The following UBN2 variants were observed in gnomAD, a reference collection of about 807,000 sequenced individuals.
The protein encoded by UBN2 is ubinuclein-2.
Under a neutral mutation model 120.2 loss-of-function variants are expected in UBN2, and 35 were observed. The observed-to-expected ratio is 0.29, with a 90% CI of 0.22 to 0.39. The LOEUF is 0.39. Among genes scored for constraint, UBN2 ranks in the 10% least tolerant of loss-of-function variants. The probability of loss-of-function intolerance (pLI) is 1.00; values close to 1 mark genes in which losing one functional copy is unlikely to be tolerated. For missense variants in UBN2, 1,693 were observed against 1,663.2 expected (o/e 1.02, Z -0.31); for synonymous variants, 661 against 648.7 (o/e 1.02, Z -0.29).
chr7:139,288,392 A>G (rs1200059086), intron 15 of UBN2, among the ~76,000 whole-genome samples: 1 of 152,010 alleles, frequency 6.6e-6, no homozygotes, highest in African/African-American at 2.4e-5. Flanking sequence ...GAAGAGGGGG[A>G]AAATAGTTCA....
chr7:139,269,590 T>G lies in UBN2; in HGVS notation c.1596+67T>G, dbSNP rs552592642. ...ACCTGTAAAGATACTTGTTTCTGTTTGGGGCCTTTGCACATTAATTGATTT... is the reference window on the plus strand; with the variant it reads ...ACCTGTAAAGATACTTGTTTCTGTTGGGGGCCTTTGCACATTAATTGATTT... On this transcript the variant is annotated intron_variant, in intron 8 of 17. Coordinates refer to ENST00000473989, the MANE Select transcript of UBN2 (RefSeq NM_173569.4). 4.3e-5 allele frequency: 67 copies of G among 1,544,360 alleles called. No individual in the cohort carries two copies. In the East Asian group the frequency reaches 1.5e-3, roughly 35 times the overall value.
At chr7:139,246,903 C>G (rs1584991317) in intron 2 of UBN2, among the ~76,000 whole-genome samples, 1 of 152,138 alleles carries the variant, frequency 6.6e-6, no homozygotes, top group East Asian at 1.9e-4. Flanking sequence ...TATTGCCGAG[C>G]AGTAATCCAC....
Position 139,231,790 on chromosome 7 carries a change from G to T in UBN2, c.306G>T (p.Leu102=). The T allele has an allele frequency of 1.4e-6, 2 of 1,388,274 alleles. No homozygotes were observed. The highest frequency in any genetic ancestry group is 3.1e-5 in the South Asian group (2 of 64,036). The allele number at this position is 1,388,274 out of a possible 1,614,324, so 86.0% of individuals were successfully genotyped here. Residue 102 remains leucine, a synonymous_variant, in exon 1 of 18, where the codon CTG becomes CTT. Coordinates refer to ENST00000473989, the MANE Select transcript of UBN2 (RefSeq NM_173569.4). The part of the protein sequence containing the change: ...RPEPPPPFPP[L]PLQPPPPRES... ...AGCCGCCGCCGCCGTTCCCGCCGCT[G>T]CCCTTGCAGCCGCCCCCGCCGCGGG... is the stretch of plus-strand genomic sequence containing the variant.
chr7:139,313,337 G>A, the UBN2 span, among the ~76,000 whole-genome samples: 12 of 152,014 alleles, frequency 7.9e-5, no homozygotes, highest in South Asian at 2.3e-3. Context: ...TATTAATTTC[G>A]AGGTATTTTA....
In UBN2 at chr7:139,234,838, C is replaced by T. The variant is rs190655014; in HGVS notation, c.469-2167C>T. Among the ~76,000 whole-genome samples, 979 of 152,128 alleles carry T rather than the reference C, an allele frequency of 6.4e-3. 6 individuals carry two copies. The highest frequency in any genetic ancestry group is 0.017 in the Middle Eastern group (5 of 294). ...GAATTCCATGGTATTTCATTGTTTG[C>T]GTATTTTTGATGAAATTTGTGAAAG... On this transcript the variant is annotated intron_variant, in intron 1 of 17. Coordinates refer to ENST00000473989, the MANE Select transcript of UBN2 (RefSeq NM_173569.4).
chr7:139,283,224 T>C lies in UBN2; in HGVS notation c.2319T>C (p.Ala773=), dbSNP rs750401430. The C allele has an allele frequency of 8.1e-6, 13 of 1,612,954 alleles. No individual in the cohort carries two copies. The highest frequency in any genetic ancestry group is 9.3e-6 in the Non-Finnish European group (11 of 1,179,898). The part of the protein sequence containing the change: ...HSPSLDLVSE[A]LAVINNGNKG... Reference sequence around the variant, plus strand: ...CTTCACTGGATCTTGTTTCTGAAGCTTTAGCGGTTATCAACAATGGGAACA... The same window carrying C: ...CTTCACTGGATCTTGTTTCTGAAGCCTTAGCGGTTATCAACAATGGGAACA... The change falls in exon 15 of 18, where the codon GCT becomes GCC. Residue 773 remains alanine (A), a synonymous_variant. Coordinates refer to ENST00000473989, the MANE Select transcript of UBN2 (RefSeq NM_173569.4).
In UBN2 at chr7:139,283,281, G is replaced by A. The variant is rs781169427; in HGVS notation, c.2376G>A (p.Met792Ile). The change falls in exon 15 of 18, where the codon ATG (methionine) becomes ATA (isoleucine). Residue 792 changes from methionine (M) to isoleucine (I), a missense_variant. By Grantham distance (10) the Met-to-Ile change is conservative. Around this residue, in one of 5 missense-constraint regions of UBN2, gnomAD observed 837 missense variants for 817.6 expected, o/e 1.02. Coordinates refer to ENST00000473989, the MANE Select transcript of UBN2 (RefSeq NM_173569.4). ...CTCCAGTTGGCTCAAGGATAAGCAT[G>A]CCAACCACAAAGCCTCGTCCAGGAC... ...KGPPVGSRIS[M>I]PTTKPRPGLR... 4 of 1,613,794 alleles carry A rather than the reference G, an allele frequency of 2.5e-6. No homozygotes were observed. Among genetic ancestry groups the A allele is most frequent in the South Asian group, 1.1e-5 (1 of 91,046 alleles).
rs1476223802 is a variant in UBN2 at position 139,307,511 on chromosome 7, A to AG, written c.*9680dup. The AG allele has an allele frequency of 6.6e-6, 1 of 151,630 alleles. No homozygotes were observed. The highest frequency in any genetic ancestry group is 1.9e-4 in the East Asian group (1 of 5,194). 9.4% of individuals were successfully genotyped at this position (151,630 alleles called of 1,614,324 possible). A position where few individuals can be genotyped will look rare whatever the true frequency, so the allele number is the denominator to read the frequency against. ...AAAAAAAAAAATAAATTTAAATAAAAGGGGGTGGTGATGACATGTGAATGG... is the reference window on the plus strand; with the variant it reads ...AAAAAAAAAAATAAATTTAAATAAAAGGGGGGTGGTGATGACATGTGAATGG... On this transcript the variant is annotated 3_prime_UTR_variant, in exon 18 of 18. Coordinates refer to ENST00000473989, the MANE Select transcript of UBN2 (RefSeq NM_173569.4).
At position 139,251,020 on chromosome 7, in the gene UBN2, C is replaced by T. The variant is rs1167289366; in HGVS notation, c.562-936C>T. Among the ~76,000 whole-genome samples, 4 of 152,050 alleles carry T rather than the reference C, an allele frequency of 2.6e-5. No homozygotes were observed. The East Asian group carries it at 7.7e-4, about 29-fold the overall frequency. On this transcript the variant is annotated intron_variant, in intron 2 of 17. Coordinates refer to ENST00000473989, the MANE Select transcript of UBN2 (RefSeq NM_173569.4). ...TTACGAGGCTGAGGCAGGAGGTTCACTTGAGCCCGGGAGGTTGAGGCTGCA... is the reference window on the plus strand; with the variant it reads ...TTACGAGGCTGAGGCAGGAGGTTCATTTGAGCCCGGGAGGTTGAGGCTGCA...
chr7:139,257,100 TTTCTACAATC>T (rs1341783142), intron 3 of UBN2, among the ~76,000 whole-genome samples: 7 of 152,236 alleles, frequency 4.6e-5, no homozygotes, highest in Non-Finnish European at 1.0e-4. Flanking sequence ...AACAGATATC[TTTCTACAATC>T]AGATAAGTTC....
chr7:139,296,545 C>T lies in UBN2; in HGVS notation c.3995-1242C>T, dbSNP rs188503966. On this transcript the variant is annotated intron_variant, in intron 17 of 17. Transcript: ENST00000473989. ...TGTCTTTGAGGCCTCATTTTTCTTG[C>T]TAAGGCCATGACCTGTTGGAGACTT... Among the ~76,000 whole-genome samples the T allele has an allele frequency of 3.3e-5, 5 of 152,288 alleles. No individual in the cohort carries two copies. The East Asian group carries it at 9.6e-4, about 29-fold the overall frequency.
chr7:139,267,039 A>G (rs1797119099), intron 7 of UBN2, among the ~76,000 whole-genome samples: 1 of 152,198 alleles, frequency 6.6e-6, no homozygotes, highest in African/African-American at 2.4e-5. Flanking sequence ...TGTAGGTTCT[A>G]AGGTTGTGGT....
In UBN2 at chr7:139,284,298, T is replaced by C. The variant is rs1331742822; in HGVS notation, c.3393T>C (p.Ser1131=). The C allele has an allele frequency of 6.2e-7, 1 of 1,614,168 alleles. No homozygotes were observed. Reference sequence around the variant, plus strand: ...CTCCCACCTTGAATTTATTGCCCTCTAGTCGCACTTCAGGCCTTCCACCTA... The same window carrying C: ...CTCCCACCTTGAATTTATTGCCCTCCAGTCGCACTTCAGGCCTTCCACCTA... ...RQSPTLNLLP[S]SRTSGLPPTK... The change falls in exon 15 of 18, where the codon TCT becomes TCC. Residue 1131 remains serine (S), a synonymous_variant. Transcript: ENST00000473989.
At chr7:139,279,051 T>C (rs1563220425) in intron 12 of UBN2, among the ~76,000 whole-genome samples, 1 of 152,118 alleles carries the variant, frequency 6.6e-6, no homozygotes, top group Non-Finnish European at 1.5e-5. Flanking sequence ...TTGGGGGGGC[T>C]ATTTTATGGT....
intron 2 of UBN2, among the ~76,000 whole-genome samples, chr7:139,244,240 A>G (rs1289531672): frequency 1.3e-5 from 2 of 152,228 alleles, no homozygotes; most frequent in Non-Finnish European, 2.9e-5. Flanking sequence ...ATCAAAATAA[A>G]AATCAGCAAA....
rs1211738082 is a variant in UBN2 at position 139,233,278 on chromosome 7, T to A, written c.468+1326T>A. Among the ~76,000 whole-genome samples the A allele has an allele frequency of 2.0e-5, 3 of 152,186 alleles. No homozygotes were observed. The East Asian group carries it at 5.8e-4, about 29-fold the overall frequency. On this transcript the variant is annotated intron_variant, in intron 1 of 17. Coordinates refer to ENST00000473989, the MANE Select transcript of UBN2 (RefSeq NM_173569.4). ...TAACATTTTGCTCGTCAGACTCACT[T>A]GAATGCCCCTTCTTTATAAATCTGA... is the stretch of plus-strand genomic sequence containing the variant.
intron 12 of UBN2, 171 bp downstream of exon 12, chr7:139,276,318 T>A (rs1797441065): frequency 1.5e-6 from 1 of 663,340 alleles, no homozygotes; most frequent in Non-Finnish European, 2.6e-6. Context: ...GTCAGGGTAC[T>A]CTCTAAACAC....
intron 5 of UBN2, among the ~76,000 whole-genome samples, chr7:139,260,315 C>G (rs764968528): frequency 6.6e-6 from 1 of 151,686 alleles, no homozygotes; most frequent in Non-Finnish European, 1.5e-5. Flanking sequence ...CTAGGCTGGT[C>G]TCGAACTCCT....
chr7:139,241,304 G>T (rs936982811), intron 2 of UBN2, among the ~76,000 whole-genome samples: 4 of 152,170 alleles, frequency 2.6e-5, no homozygotes, highest in Non-Finnish European at 5.9e-5. Flanking sequence ...TAATCTAAAT[G>T]AAAGCACCTA....
Sources: allele counts gnomAD v4.1 joint callset (sites outside exome capture counted in the v4.1 genomes callset), GRCh38; gene constraint gnomAD v4.1.1; regional missense constraint gnomAD v4.1.1; transcripts MANE v1.5; gene names NCBI Gene and HGNC (gene_info 2026-07-23, HGNC 2026-07-21).